GDAP1: variants seen among roughly 807,000 people sequenced by gnomAD.
GDAP1 encodes ganglioside induced differentiation associated protein 1.
A neutral mutation model predicts 40.1 loss-of-function variants in GDAP1; 34 were observed. The observed-to-expected ratio is 0.85, with a 90% CI of 0.64 to 1.13. The LOEUF is 1.13. GDAP1 is among the 50% of genes most tolerant of loss of function. The pLI is 0.00. For missense variants in GDAP1, 374 were observed against 433.7 expected, an observed-to-expected ratio of 0.86 and a Z score of 1.22; for synonymous variants, 170 against 157.4, an observed-to-expected ratio of 1.08 and a Z score of -0.60.
intron 2 of GDAP1, among the ~76,000 whole-genome samples, chr8:74,459,425 A>G (rs987459887): frequency 1.3e-5 from 2 of 152,172 alleles, no homozygotes; most frequent in Non-Finnish European, 2.9e-5. Flanking sequence ...CAAGTCCCAG[A>G]GCGACCTCTG....
chr8:74,422,342 T>C (rs868843888), intron 2 of GDAP1, among the ~76,000 whole-genome samples: 613 of 55,218 alleles, frequency 0.011, 5 homozygotes, highest in African/African-American at 0.048. Flanking sequence ...TCTTTCTTTC[T>C]TTCTTTCTTC....
At chr8:74,464,726 G>C (rs1437869892) in intron 2 of GDAP1, among the ~76,000 whole-genome samples, 1 of 152,102 alleles carries the variant, frequency 6.6e-6, no homozygotes, top group Admixed American at 6.5e-5. Flanking sequence ...CTAGAGATAA[G>C]AATAACTCCG....
Position 74,399,164 on chromosome 8 carries a change from C to G in GDAP1, c.165+47843C>G, listed in dbSNP as rs527696968. On this transcript the variant is annotated intron_variant, in intron 2 of 2. Coordinates refer to the GDAP1 transcript ENST00000523640. ...TGTACCTCTGGTTGAATTCGGCTGT[C>G]AATCCATCTGGTCCTGGACTCTTTT... is the stretch of plus-strand genomic sequence containing the variant. Among the ~76,000 whole-genome samples the G allele has an allele frequency of 2.1e-3, 319 of 152,052 alleles. 1 individual carries two copies. The highest frequency in any genetic ancestry group is 6.8e-3 in the African/African-American group (281 of 41,358).
intron 2 of GDAP1, among the ~76,000 whole-genome samples, chr8:74,432,630 A>G (rs1189964036): frequency 5.9e-5 from 9 of 152,138 alleles, no homozygotes; most frequent in Non-Finnish European, 2.9e-5. Context: ...CTGTGCTTCC[A>G]TGAATGGCTG....
At chr8:74,378,749 C>G (rs1390273659) in intron 2 of GDAP1, among the ~76,000 whole-genome samples, 1 of 152,172 alleles carries the variant, frequency 6.6e-6, no homozygotes, top group Admixed American at 6.5e-5. Context: ...ACATACATAG[C>G]TATCCTATTT....
chr8:74,481,470 AG>A (rs1306994511), intron 2 of GDAP1, among the ~76,000 whole-genome samples: 1 of 152,218 alleles, frequency 6.6e-6, no homozygotes, highest in Non-Finnish European at 1.5e-5. Flanking sequence ...CTTATTGTAG[AG>A]ATTTTTCTTC....
At chr8:74,399,255 ACTT>A (rs1810272613) in intron 2 of GDAP1, among the ~76,000 whole-genome samples, 2 of 149,824 alleles carry the variant, frequency 1.3e-5, no homozygotes, top group Non-Finnish European at 2.9e-5. Flanking sequence ...CAGAGATTCA[ACTT>A]CTTCCTGGTT....
At chr8:74,422,158 T>C (rs983814125) in intron 2 of GDAP1, among the ~76,000 whole-genome samples, 6 of 151,764 alleles carry the variant, frequency 4.0e-5, no homozygotes, top group Non-Finnish European at 7.4e-5. Context: ...TTCTTCATTT[T>C]CTTCTTTCTT....
chr8:74,482,937 TG>T (rs1413012621), intron 2 of GDAP1, among the ~76,000 whole-genome samples: 1 of 152,188 alleles, frequency 6.6e-6, no homozygotes, highest in Non-Finnish European at 1.5e-5. Context: ...GTTACAGACA[TG>T]GGCTCTGGAG....
In GDAP1 at chr8:74,364,823, A is replaced by T. The variant is rs1170805464; in HGVS notation, c.*456A>T. Reference sequence around the variant, plus strand: ...CCCCAGGCTTTATATGTATACTTTGACCTCAGTGTTAATTTTAAATGCTTA... The same window carrying T: ...CCCCAGGCTTTATATGTATACTTTGTCCTCAGTGTTAATTTTAAATGCTTA... On this transcript the variant is annotated 3_prime_UTR_variant, in exon 6 of 6. Coordinates refer to ENST00000220822, the MANE Select transcript of GDAP1 (RefSeq NM_018972.4). 1 of 454,978 alleles carries T rather than the reference A, an allele frequency of 2.2e-6. No individual in the cohort carries two copies. The highest frequency in any genetic ancestry group is 4.4e-6 in the Non-Finnish European group (1 of 227,424). The allele number at this position is 454,978 out of a possible 1,614,324, so 28.2% of individuals were successfully genotyped here. A position where few individuals can be genotyped will look rare whatever the true frequency, so the allele number is the denominator to read the frequency against.
At chr8:74,350,655 A>G (rs1808812325) in intron 1 of GDAP1, 77 bp downstream of exon 1, 30 of 966,080 alleles carry the variant, frequency 3.1e-5, no homozygotes, top group Middle Eastern at 4.2e-4. Flanking sequence ...AGTCCCGCCC[A>G]GGGAAGCCGG....
chr8:74,398,375 G>T (rs1810248732), intron 2 of GDAP1, among the ~76,000 whole-genome samples: 1 of 151,914 alleles, frequency 6.6e-6, no homozygotes, highest in African/African-American at 2.4e-5. Flanking sequence ...ATGTGAGATG[G>T]GTTTCCTGAA....
intron 2 of GDAP1, among the ~76,000 whole-genome samples, chr8:74,473,073 G>A (rs1019452942): frequency 2.8e-5 from 3 of 106,084 alleles, no homozygotes; most frequent in African/African-American, 1.2e-4. Flanking sequence ...TATGCTTGTT[G>A]GCTGCATGTA....
intron 2 of GDAP1, 77 bp from the exon 3 acceptor site, chr8:74,360,060 T>C: frequency 1.1e-6 from 1 of 950,666 alleles, no homozygotes; most frequent in Non-Finnish European, 1.7e-6. Flanking sequence ...GATGAGTGGA[T>C]AGTGTTTTTG....
At chr8:74,438,732 C>T (rs971878366) in intron 2 of GDAP1, among the ~76,000 whole-genome samples, 6 of 152,090 alleles carry the variant, frequency 3.9e-5, no homozygotes, top group Non-Finnish European at 8.8e-5. Context: ...TCCCAAGTGG[C>T]TGAGACTACA....
At chr8:74,382,286 T>A (rs1253351907) in intron 2 of GDAP1, among the ~76,000 whole-genome samples, 3 of 152,106 alleles carry the variant, frequency 2.0e-5, no homozygotes, top group Non-Finnish European at 1.5e-5. Flanking sequence ...TGTTTTACAT[T>A]TTTTGCCCCA....
At chr8:74,392,742 T>C (rs1193153763) in intron 2 of GDAP1, among the ~76,000 whole-genome samples, 1 of 152,212 alleles carries the variant, frequency 6.6e-6, no homozygotes, top group African/African-American at 2.4e-5. Flanking sequence ...ATTTATGCCA[T>C]AGAGAGGGCA....
At chr8:74,480,618 C>G (rs1267547298) in intron 2 of GDAP1, among the ~76,000 whole-genome samples, 3 of 152,192 alleles carry the variant, frequency 2.0e-5, no homozygotes, top group Non-Finnish European at 2.9e-5. Flanking sequence ...CTTACAGAAG[C>G]TCCTAGCTTC....
At chr8:74,438,402 C>T (rs1053447776) in intron 2 of GDAP1, among the ~76,000 whole-genome samples, 25 of 152,164 alleles carry the variant, frequency 1.6e-4, no homozygotes, top group African/African-American at 5.8e-4. Flanking sequence ...TTTGACTTGT[C>T]CAAGTTAGAC....
Sources: allele counts gnomAD v4.1 joint callset (sites outside exome capture counted in the v4.1 genomes callset), GRCh38; gene constraint gnomAD v4.1.1; transcripts MANE v1.5; gene names NCBI Gene and HGNC (gene_info 2026-07-23, HGNC 2026-07-21).